Variants in DST observed in about 807,000 individuals in gnomAD.
DST encodes the protein dystonin.
DST carries 253 observed loss-of-function variants against 875.2 expected under a neutral mutation model. That is an observed-to-expected ratio of 0.29 (90% CI 0.26 to 0.32). DST has a LOEUF of 0.32. DST is among the 10% of genes least tolerant of loss of function. The pLI is 1.00. For missense variants in DST, 8,287 were observed against 9,111.6 expected (o/e 0.91, Z 3.68); for synonymous variants, 3,124 against 3,197.1 (o/e 0.98, Z 0.77).
Position 56,460,210 on chromosome 6 carries a change from T to C in DST, c.23115A>G (p.Leu7705=). 4 of 1,614,006 alleles carry C rather than the reference T, an allele frequency of 2.5e-6. No homozygotes were observed. Among genetic ancestry groups the C allele is most frequent in the Non-Finnish European group, 3.4e-6 (4 of 1,179,870 alleles). Residue 7705 remains leucine (L), a synonymous_variant, in exon 103 of 104, where the codon TTA becomes TTG. Transcript: ENST00000680361. ...CCCCAGAGTGGAAGCCTTTCCCTGA[T>C]AAATATCCTGGAAGTCGAAGCTTGC... The part of the protein sequence containing the change: ...QGSKLRLPGY[L]SGKGFHSGED...
chr6:56,618,418 T>C, intron 36 of DST: 2 of 1,614,214 alleles, frequency 1.2e-6, no homozygotes, highest in Non-Finnish European at 8.5e-7. Flanking sequence ...AGTCTTTGGC[T>C]GTGCTCTTTT....
chr6:56,816,623 C>G (rs753865682), intron 4 of DST, among the ~76,000 whole-genome samples: 3 of 152,122 alleles, frequency 2.0e-5, no homozygotes, highest in Non-Finnish European at 4.4e-5. Flanking sequence ...TATTAACAAG[C>G]CTTATCTATG....
rs1562747965 is a variant in DST at position 56,553,383 on chromosome 6, G to C, written c.15409C>G (p.Gln5137Glu). Residue 5137 changes from glutamine (Q) to glutamate (E), a missense_variant, in exon 61 of 104, where the codon CAG (glutamine) becomes GAG (glutamate). Gln to Glu is a conservative substitution (Grantham distance 29, BLOSUM62 2). Transcript: ENST00000680361. ...GTTTTAATTGTATTAAGCTGTAACT[G>C]TAAGGCTGCCTTCTCAGACCCTTGT... ...KTQGSEKAAL[Q>E]LQLNTIKTNW... is the part of the protein sequence containing the mutation. 1.2e-6 allele frequency: 2 copies of C among 1,603,442 alleles called. No individual in the cohort carries two copies. The highest frequency in any genetic ancestry group is 8.5e-7 in the Non-Finnish European group (1 of 1,176,398).
chr6:56,592,522 A>G (rs990466979), intron 48 of DST, among the ~76,000 whole-genome samples, 164 bp from the exon 49 acceptor site: 9 of 152,218 alleles, frequency 5.9e-5, no homozygotes, highest in Non-Finnish European at 1.2e-4. Flanking sequence ...TTATATGAAG[A>G]GGTACCCTAT....
intron 10 of DST, among the ~76,000 whole-genome samples, chr6:56,666,419 G>T (rs1335351052): frequency 3.3e-5 from 5 of 152,046 alleles, no homozygotes; most frequent in Non-Finnish European, 7.4e-5. Flanking sequence ...ATACTGGTTT[G>T]CTTTTAAGTA....
intron 4 of DST, among the ~76,000 whole-genome samples, chr6:56,778,520 G>C (rs1387976900): frequency 2.0e-5 from 3 of 147,386 alleles, no homozygotes; most frequent in Non-Finnish European, 4.5e-5. Flanking sequence ...TCTCCAAATG[G>C]TATCCCTCCC....
chr6:56,780,089 T>C (rs2152989776), intron 4 of DST, among the ~76,000 whole-genome samples: 1 of 151,954 alleles, frequency 6.6e-6, no homozygotes, highest in East Asian at 1.9e-4. Context: ...TATTCCATGG[T>C]GCATATGTGC....
intron 4 of DST, among the ~76,000 whole-genome samples, chr6:56,771,451 C>T (rs1003719402): frequency 6.6e-6 from 1 of 152,108 alleles, no homozygotes; most frequent in Non-Finnish European, 1.5e-5. Flanking sequence ...CTATAATTTC[C>T]TGTACTGAAT....
rs545681883 is a variant in DST, at chr6:56,799,603, T to A, written c.625+51794A>T. 6.6e-5 allele frequency among the ~76,000 whole-genome samples: 10 copies of A among 151,720 alleles called. No individual in the cohort carries two copies. In the East Asian group the frequency reaches 1.9e-3, roughly 30 times the overall value. ...TTTTTTTTTTTAGCAATAAGGACAT[T>A]TTTGTGTTTTTTGTTTGTTTGGTTT... On this transcript the variant is annotated intron_variant, in intron 4 of 103. Coordinates refer to ENST00000680361, the MANE Select transcript of DST (RefSeq NM_001374736.1).
In DST at chr6:56,528,920, C is replaced by A. The variant is rs1301592706; in HGVS notation, c.17601G>T (p.Leu5867=). The A allele has an allele frequency of 2.5e-6, 4 of 1,578,924 alleles. No homozygotes were observed. Among genetic ancestry groups the A allele is most frequent in the Non-Finnish European group, 3.4e-6 (4 of 1,159,716 alleles). The change falls in exon 67 of 104, where the codon CTG becomes CTT. Residue 5867 remains leucine (L), a synonymous_variant. Coordinates refer to ENST00000680361, the MANE Select transcript of DST (RefSeq NM_001374736.1). ...GTTTCCTGAGTAAGATGTCCTCTTG[C>A]AGAACCTGAAAACACAGGTACCATT... ...LWKQQSELRV[L]QEDILLRKQN...
At chr6:56,469,803 G>GAA (rs2152394043) in intron 97 of DST, 80 bp downstream of exon 97, 1 of 1,260,702 alleles carries the variant, frequency 7.9e-7, no homozygotes, top group Admixed American at 1.8e-5. Context: ...AAGACTCCTG[G>GAA]AAAACAATGG....
At chr6:56,944,477 T>C (rs1332408516) in intron 2 of DST, among the ~76,000 whole-genome samples, 1 of 152,180 alleles carries the variant, frequency 6.6e-6, no homozygotes, top group East Asian at 1.9e-4. Context: ...GTTTTGAGTA[T>C]TTTTGTTTTT....
intron 4 of DST, among the ~76,000 whole-genome samples, chr6:56,814,141 C>T (rs911283305): frequency 6.6e-6 from 1 of 152,026 alleles, no homozygotes; most frequent in Admixed American, 6.6e-5. Flanking sequence ...CAAAACTACA[C>T]ATTATTATTT....
At chr6:56,704,221 G>T in intron 6 of DST, 59 bp downstream of exon 6, 2 of 838,208 alleles carry the variant, frequency 2.4e-6, no homozygotes, top group Non-Finnish European at 3.8e-6. Flanking sequence ...AAAACATACT[G>T]GTCCTATGCA....
chr6:56,701,578 T>G (rs915689407), intron 8 of DST, among the ~76,000 whole-genome samples: 2 of 152,174 alleles, frequency 1.3e-5, no homozygotes, highest in Admixed American at 1.3e-4. Context: ...ATTCTTAACA[T>G]TCTATTGCTA....
intron 15 of DST, among the ~76,000 whole-genome samples, chr6:56,644,896 G>A (rs540552597): frequency 6.6e-6 from 1 of 152,290 alleles, no homozygotes; most frequent in South Asian, 2.1e-4. Context: ...GGGGCCAGGT[G>A]GAGATAACTG....
intron 4 of DST, among the ~76,000 whole-genome samples, chr6:56,752,084 CTT>C (rs567889474): frequency 2.1e-5 from 3 of 143,940 alleles, no homozygotes; most frequent in Admixed American, 7.0e-5. Context: ...CCAAACTATT[CTT>C]TTTTTTTTTT....
At position 56,837,540 on chromosome 6, in the gene DST, G is replaced by T. The variant is rs552856851; in HGVS notation, c.625+13857C>A. ...TAATATCTATCTAACTTCCTGCTGG[G>T]GATCATAAAGGGTCACCCTCACTGC... On this transcript the variant is annotated intron_variant, in intron 4 of 103. Coordinates refer to ENST00000680361, the MANE Select transcript of DST (RefSeq NM_001374736.1). Among the ~76,000 whole-genome samples, 5 of 152,116 alleles carry T rather than the reference G, an allele frequency of 3.3e-5. No individual in the cohort carries two copies. The East Asian group carries it at 9.7e-4, about 29-fold the overall frequency.
chr6:56,588,687 CATT>C (rs1359985921), intron 49 of DST, among the ~76,000 whole-genome samples: 2 of 152,156 alleles, frequency 1.3e-5, no homozygotes, highest in Non-Finnish European at 2.9e-5. Flanking sequence ...TCTATTTCAG[CATT>C]ATTTATTATC....
Sources: allele counts gnomAD v4.1 joint callset (sites outside exome capture counted in the v4.1 genomes callset), GRCh38; gene constraint gnomAD v4.1.1; transcripts MANE v1.5; gene names NCBI Gene and HGNC (gene_info 2026-07-23, HGNC 2026-07-21).